IQANK1: variants seen among roughly 807,000 people sequenced by gnomAD.
The protein encoded by IQANK1 is IQ motif and ankyrin repeat containing 1.
In IQANK1, 30 loss-of-function variants were observed where a neutral mutation model predicts 22.6. The ratio of observed to expected loss-of-function variants is 1.33; its 90% CI spans 0.99 to 1.80. The LOEUF (loss-of-function observed/expected upper bound fraction) is 1.80. IQANK1 is among the 40% of genes most tolerant of loss of function. The probability of loss-of-function intolerance (pLI) is 0.00; values close to 1 mark genes in which losing one functional copy is unlikely to be tolerated. For missense variants in IQANK1, 275 were observed against 235.2 expected, an observed-to-expected ratio of 1.17 and a Z score of -1.11; for synonymous variants, 122 against 99.6, an observed-to-expected ratio of 1.23 and a Z score of -1.34.
chr8:143,764,140 C>T (rs1436919016), intron 3 of IQANK1, among the ~76,000 whole-genome samples: 4 of 151,984 alleles, frequency 2.6e-5, no homozygotes, highest in African/African-American at 7.3e-5. Context: ...GTGGAGGGCC[C>T]GCCGGAAGGA....
chr8:143,735,992 G>A lies in IQANK1; in HGVS notation c.85+54G>A. On this transcript the variant is annotated intron_variant, in intron 2 of 13. Transcript: ENST00000527139. This position sits in a 1 kb window ranked among gnomAD's most constrained non-coding sequence, Gnocchi z 5.2. Reference sequence around the variant, plus strand: ...CTGTCACCCAGACACTGACCTGTGAGACCTTCTATGTAGCCACCGAGAGAC... The same window carrying A: ...CTGTCACCCAGACACTGACCTGTGAAACCTTCTATGTAGCCACCGAGAGAC... The A allele has an allele frequency of 1.4e-6, 1 of 700,176 alleles. No individual in the cohort carries two copies. The highest frequency in any genetic ancestry group is 2.7e-5 in the East Asian group (1 of 37,156). 43.4% of individuals were successfully genotyped at this position (700,176 alleles called of 1,614,324 possible).
In IQANK1 at chr8:143,790,242, G is replaced by C. The variant is rs986955075; in HGVS notation, c.1395G>C (p.Thr465=). 61 of 1,232,036 alleles carry C rather than the reference G, an allele frequency of 5.0e-5. 1 individual carries two copies. Among genetic ancestry groups the C allele is most frequent in the Middle Eastern group, 3.1e-4 (1 of 3,230 alleles). 76.3% of individuals were successfully genotyped at this position (1,232,036 alleles called of 1,614,324 possible). Reference sequence around the variant, plus strand: ...ACCCGGAGCCCCTGAGGCCGGAGACGATGTGGCTGGCTCTGCTGGGGGCTC... The same window carrying C: ...ACCCGGAGCCCCTGAGGCCGGAGACCATGTGGCTGGCTCTGCTGGGGGCTC... ...TVNPEPLRPE[T]MWLALLGALR... Residue 465 remains threonine, a synonymous_variant, in exon 13 of 14, where the codon ACG becomes ACC. Coordinates refer to ENST00000527139, the MANE Select transcript of IQANK1 (RefSeq NM_001381874.1).
At chr8:143,785,690 G>C (rs575698930) in intron 7 of IQANK1, among the ~76,000 whole-genome samples, 4 of 150,286 alleles carry the variant, frequency 2.7e-5, no homozygotes, top group Non-Finnish European at 4.4e-5. Context: ...TTCCCAAGTA[G>C]CTAAGACTAC....
intron 3 of IQANK1, chr8:143,746,195 T>G (rs1052883123): frequency 1.3e-5 from 2 of 152,270 alleles, no homozygotes; most frequent in Non-Finnish European, 2.9e-5. Flanking sequence ...CCCAGCACTA[T>G]GCTGAATAGA....
In IQANK1 at chr8:143,742,497, C is replaced by T. The variant is rs576927687; in HGVS notation, c.175+2549C>T. 600 of 456,064 alleles carry T rather than the reference C, an allele frequency of 1.3e-3. 1 individual carries two copies. Among genetic ancestry groups the T allele is most frequent in the Non-Finnish European group, 2.2e-3 (500 of 226,796 alleles). 28.3% of individuals were successfully genotyped at this position (456,064 alleles called of 1,614,324 possible). A position where few individuals can be genotyped will look rare whatever the true frequency, so the allele number is the denominator to read the frequency against. ...CTTGGGCCCCGGGACTCGCCTGTGT[C>T]ATCTGGGCTGGGCCCCACAAACACC... On this transcript the variant is annotated intron_variant, in intron 3 of 13. Transcript: ENST00000527139.
chr8:143,747,937 C>T (rs1819062674), intron 3 of IQANK1, among the ~76,000 whole-genome samples: 1 of 139,108 alleles, frequency 7.2e-6, no homozygotes, highest in Non-Finnish European at 1.5e-5. Context: ...CCTTTCCTTT[C>T]CTTTCCTTTC....
intron 7 of IQANK1, among the ~76,000 whole-genome samples, chr8:143,775,787 T>TACACACACACACAC (rs35665050): frequency 0.014 from 1,798 of 129,436 alleles, 33 homozygotes; most frequent in East Asian, 0.03. Flanking sequence ...ATAGCTGTAT[T>TACACACACACACAC]ACACACACAC....
chr8:143,761,913 A>G (rs1819404413), intron 3 of IQANK1, among the ~76,000 whole-genome samples: 1 of 151,786 alleles, frequency 6.6e-6, no homozygotes, highest in African/African-American at 2.4e-5. Context: ...TTCTCCCTCT[A>G]TAGGACATAT....
At chr8:143,772,930 G>A (rs531409330) in intron 7 of IQANK1, among the ~76,000 whole-genome samples, 1 of 152,222 alleles carries the variant, frequency 6.6e-6, no homozygotes, top group African/African-American at 2.4e-5. Flanking sequence ...CTGTCAGTAC[G>A]TCGGTTTTCC....
At chr8:143,784,506 GTTC>G (rs1210565008) in intron 7 of IQANK1, among the ~76,000 whole-genome samples, 1 of 152,212 alleles carries the variant, frequency 6.6e-6, no homozygotes, top group Admixed American at 6.5e-5. Flanking sequence ...GTCTCAGGTA[GTTC>G]TTTTTAGCCA....
At position 143,790,637 on chromosome 8, in the gene IQANK1, G is replaced by A. The variant is rs534158751; in HGVS notation, c.*29G>A. The A allele has an allele frequency of 2.8e-3, 1,113 of 398,608 alleles. 2 individuals are homozygous for A. The highest frequency in any genetic ancestry group is 4.0e-3 in the Non-Finnish European group (911 of 226,060). The allele number at this position is 398,608 out of a possible 1,614,324, so 24.7% of individuals were successfully genotyped here. ...TGGCCCCAGTCCCAATAAAACGTGT[G>A]CCCCGGGGCGCGGTGCTGCATCTGT... On this transcript the variant is annotated 3_prime_UTR_variant, in exon 14 of 14. Transcript: ENST00000527139.
At chr8:143,769,858 A>C (rs1819541107) in intron 3 of IQANK1, among the ~76,000 whole-genome samples, 3 of 152,152 alleles carry the variant, frequency 2.0e-5, no homozygotes, top group Non-Finnish European at 4.4e-5. Context: ...GCAGAACCAA[A>C]TACTCTTCCT....
In IQANK1 at chr8:143,789,489, T is replaced by C; in HGVS notation, c.1047T>C (p.Cys349=). ...LSRRISEHDQ[C]EWRCMDKTKL... ...GGAGGATCTCAGAGCACGACCAGTG[T>C]GAGTGGAGGTGCATGGACAAGACCA... Residue 349 remains cysteine (C), a synonymous_variant, in exon 10 of 14, where the codon TGT becomes TGC. Transcript: ENST00000527139. The C allele has an allele frequency of 2.4e-6, 3 of 1,232,044 alleles. No homozygotes were observed. The highest frequency in any genetic ancestry group is 2.0e-6 in the Non-Finnish European group (2 of 988,132). The allele number at this position is 1,232,044 out of a possible 1,614,324, so 76.3% of individuals were successfully genotyped here. A position where few individuals can be genotyped will look rare whatever the true frequency, so the allele number is the denominator to read the frequency against.
chr8:143,780,946 G>A (rs150850337), intron 7 of IQANK1, among the ~76,000 whole-genome samples: 350 of 152,198 alleles, frequency 2.3e-3, no homozygotes, highest in African/African-American at 8.2e-3. Flanking sequence ...CCCACCAACA[G>A]TGTGTGTGTG....
chr8:143,769,436 A>G (rs1186022110), intron 3 of IQANK1, among the ~76,000 whole-genome samples: 1 of 152,078 alleles, frequency 6.6e-6, no homozygotes, highest in African/African-American at 2.4e-5. Flanking sequence ...GGCTCAAGCA[A>G]TCCTCCCATC....
chr8:143,749,580 A>ATTTT (rs1189195745), intron 3 of IQANK1, among the ~76,000 whole-genome samples: 4 of 126,236 alleles, frequency 3.2e-5, no homozygotes, highest in African/African-American at 5.8e-5. Flanking sequence ...TCATATATAT[A>ATTTT]TATTTTATTT....
In IQANK1 at chr8:143,790,352, A is replaced by T; in HGVS notation, c.1427A>T (p.Tyr476Phe). 1 of 1,169,216 alleles carries T rather than the reference A, an allele frequency of 8.6e-7. No individual in the cohort carries two copies. Among genetic ancestry groups the T allele is most frequent in the Non-Finnish European group, 1.1e-6 (1 of 931,018 alleles). 72.4% of individuals were successfully genotyped at this position (1,169,216 alleles called of 1,614,324 possible). ...GCCTCACCAGCCTCATGGGGCAGGT[A>T]TGGGAAGCCGCTGGTGTTCGACCTG... is the stretch of plus-strand genomic sequence containing the variant. ...MWLALLGALR[Y>F]GKPLVFDLRE... Residue 476 changes from tyrosine to phenylalanine, a missense_variant and splice_region_variant, in exon 14 of 14, where the codon TAT (tyrosine) becomes TTT (phenylalanine). Physicochemically the swap from Tyr to Phe is conservative, Grantham distance 22. Coordinates refer to ENST00000527139, the MANE Select transcript of IQANK1 (RefSeq NM_001381874.1).
chr8:143,754,787 G>A (rs577492183), intron 3 of IQANK1, among the ~76,000 whole-genome samples: 59 of 152,044 alleles, frequency 3.9e-4, no homozygotes, highest in Non-Finnish European at 6.3e-4. Context: ...CACCACGCCC[G>A]GCTAATTTTT....
rs933838195 is a variant in IQANK1 at position 143,789,240 on chromosome 8, G to A, written c.990G>A (p.Lys330=). 37 of 399,818 alleles carry A rather than the reference G, an allele frequency of 9.3e-5. No individual in the cohort carries two copies. Among genetic ancestry groups the A allele is most frequent in the Non-Finnish European group, 1.5e-4 (33 of 226,776 alleles). 24.8% of individuals were successfully genotyped at this position (399,818 alleles called of 1,614,324 possible). The part of the protein sequence containing the change: ...QLTREQQQCH[K]ELQQAYCELS... The stretch of plus-strand genomic sequence containing the variant: ...CCAGGGAGCAGCAGCAGTGTCACAA[G>A]GAGGTGAGTGTGACCTCAGGGAGGA... Residue 330 remains lysine, a synonymous_variant, in exon 9 of 14, where the codon AAG becomes AAA. Transcript: ENST00000527139.
Sources: gnomAD v4.1 joint callset for allele counts (sites outside exome capture counted in the v4.1 genomes callset) on GRCh38, gnomAD v4.1.1 for gene constraint, Gnocchi (gnomAD v3.1) non-coding constraint, MANE v1.5 for transcripts, NCBI Gene and HGNC (gene_info 2026-07-23, HGNC 2026-07-21) for gene names.